CCDC25: variants seen among roughly 807,000 people sequenced by gnomAD.
CCDC25 encodes the protein coiled-coil domain containing 25, also known as coiled-coil domain-containing protein 25.
In CCDC25, 16 loss-of-function variants were observed where a neutral mutation model predicts 35.3. The observed-to-expected ratio is 0.45, with a 90% CI of 0.31 to 0.69. The LOEUF (loss-of-function observed/expected upper bound fraction) is 0.69. CCDC25 is among the 30% of genes least tolerant of loss of function. The pLI is 0.06. For synonymous variants in CCDC25, 79 were observed against 80.3 expected (o/e 0.98, Z 0.09); for missense variants, 179 against 250.7 (o/e 0.71, Z 1.93).
rs1254343023 is a variant in CCDC25, at chr8:27,737,753, T to A, written c.598-1508A>T. Among the ~76,000 whole-genome samples, 1 of 152,118 alleles carries A rather than the reference T, an allele frequency of 6.6e-6. No individual in the cohort carries two copies. The highest frequency in any genetic ancestry group is 2.4e-5 in the African/African-American group (1 of 41,430). On this transcript the variant is annotated intron_variant, in intron 8 of 8. Coordinates refer to ENST00000356537, the MANE Select transcript of CCDC25 (RefSeq NM_018246.3). This position sits in a 1 kb window ranked among gnomAD's most constrained non-coding sequence, Gnocchi z 4.6. ...TATCTACCCAGAGGAAAAGAAGTCA[T>A]TATTCAAAAAAGATACTTGCACACA...
rs529638557 is a variant in CCDC25, at chr8:27,751,396, T to C, written c.244+1116A>G. 3.0e-4 allele frequency among the ~76,000 whole-genome samples: 46 copies of C among 152,298 alleles called. No homozygotes were observed. The South Asian group carries it at 8.7e-3, about 29-fold the overall frequency. On this transcript the variant is annotated intron_variant, in intron 5 of 8. Transcript: ENST00000356537. Reference sequence around the variant, plus strand: ...TATTACAATTTGTTAACTTATAGAGTTGAAAATCAGTGGCTCTGTAAAGCA... The same window carrying C: ...TATTACAATTTGTTAACTTATAGAGCTGAAAATCAGTGGCTCTGTAAAGCA...
intron 1 of CCDC25, among the ~76,000 whole-genome samples, chr8:27,765,967 T>C (rs1347288392): frequency 6.6e-6 from 1 of 152,232 alleles, no homozygotes; most frequent in Non-Finnish European, 1.5e-5. Context: ...ACAACTATCC[T>C]AACTCAAATG....
intron 7 of CCDC25, among the ~76,000 whole-genome samples, 172 bp from the exon 8 acceptor site, chr8:27,740,689 T>C (rs1365103435): frequency 1.3e-5 from 2 of 152,250 alleles, no homozygotes; most frequent in Non-Finnish European, 2.9e-5. Context: ...AGGATGAATA[T>C]TTATAAACAA....
intron 7 of CCDC25, among the ~76,000 whole-genome samples, chr8:27,741,993 T>C (rs1039601263): frequency 2.0e-5 from 3 of 152,166 alleles, no homozygotes; most frequent in Admixed American, 2.0e-4. Flanking sequence ...TTTGAGGGCA[T>C]GAATCCCTGG....
chr8:27,762,365 G>A (rs966798373), intron 3 of CCDC25, 54 bp downstream of exon 3: 2 of 1,516,844 alleles, frequency 1.3e-6, no homozygotes, highest in African/African-American at 1.4e-5. Flanking sequence ...GCTTGGCCAA[G>A]TCTAAGAAAG....
rs1803159327 is a variant in CCDC25 at position 27,734,756 on chromosome 8, C to G, written c.*1460G>C. ...TCTACATGTGTTGCAGTGTGAGGTA[C>G]AGAGGAATTCTGTAGAAGCCGGACT... is the stretch of plus-strand genomic sequence containing the variant. On this transcript the variant is annotated 3_prime_UTR_variant, in exon 9 of 9. Coordinates refer to ENST00000356537, the MANE Select transcript of CCDC25 (RefSeq NM_018246.3). The G allele has an allele frequency of 6.6e-6, 1 of 152,170 alleles. No homozygotes were observed. The highest frequency in any genetic ancestry group is 1.5e-5 in the Non-Finnish European group (1 of 68,044). 9.4% of individuals were successfully genotyped at this position (152,170 alleles called of 1,614,324 possible). A position where few individuals can be genotyped will look rare whatever the true frequency, so the allele number is the denominator to read the frequency against.
At chr8:27,765,628 TA>T (rs35721089) in intron 1 of CCDC25, among the ~76,000 whole-genome samples, 7 of 149,598 alleles carry the variant, frequency 4.7e-5, no homozygotes, top group Non-Finnish European at 7.4e-5. Flanking sequence ...CTTTAAGAGT[TA>T]AAAAAAAAAG....
At chr8:27,761,360 C>T (rs1008451477) in intron 3 of CCDC25, among the ~76,000 whole-genome samples, 10 of 152,130 alleles carry the variant, frequency 6.6e-5, no homozygotes, top group Admixed American at 5.2e-4. Flanking sequence ...ACAGAGCAGA[C>T]CCAGTCAGTT....
At position 27,741,167 on chromosome 8, in the gene CCDC25, G is replaced by T. The variant is rs142272913; in HGVS notation, c.552-650C>A. Among the ~76,000 whole-genome samples, 452 of 152,322 alleles carry T rather than the reference G, an allele frequency of 3.0e-3. 2 individuals are homozygous for T. Among genetic ancestry groups the T allele is most frequent in the African/African-American group, 0.011 (439 of 41,566 alleles). On this transcript the variant is annotated intron_variant, in intron 7 of 8. Coordinates refer to ENST00000356537, the MANE Select transcript of CCDC25 (RefSeq NM_018246.3). Reference sequence around the variant, plus strand: ...TTGATTGCACGACTGAACACAATGTGTTCCGCAAGAAGCCATAATACACAA... The same window carrying T: ...TTGATTGCACGACTGAACACAATGTTTTCCGCAAGAAGCCATAATACACAA...
chr8:27,752,391 G>C (rs1373099763), intron 5 of CCDC25, 121 bp downstream of exon 5: 4 of 719,570 alleles, frequency 5.6e-6, no homozygotes, highest in Non-Finnish European at 7.0e-6. Flanking sequence ...CATGGCAAAG[G>C]CACAGCACAT....
At chr8:27,755,730 CTG>C (rs1803979590) in intron 4 of CCDC25, among the ~76,000 whole-genome samples, 1 of 152,216 alleles carries the variant, frequency 6.6e-6, no homozygotes, top group South Asian at 2.1e-4. Flanking sequence ...CACTTCACCT[CTG>C]TGATATTCTC....
At chr8:27,740,447 A>T in intron 8 of CCDC25, 25 bp downstream of exon 8, 1 of 1,602,370 alleles carries the variant, frequency 6.2e-7, no homozygotes, top group Non-Finnish European at 8.5e-7. Context: ...CAAGGCAAAC[A>T]TTCATGCAAA....
At chr8:27,747,821 A>C (rs1026046086) in intron 7 of CCDC25, 4 of 478,934 alleles carry the variant, frequency 8.4e-6, no homozygotes, top group Non-Finnish European at 1.5e-5. Flanking sequence ...ATAACCTATG[A>C]AGGTTTCTCT....
In CCDC25 at chr8:27,737,935, A is replaced by G. The variant is rs1414203438; in HGVS notation, c.598-1690T>C. Reference sequence around the variant, plus strand: ...ACACAAAGGAATACTATGCAGCTATAAAAAGGAATATATTAACAGCATTTG... The same window carrying G: ...ACACAAAGGAATACTATGCAGCTATGAAAAGGAATATATTAACAGCATTTG... On this transcript the variant is annotated intron_variant, in intron 8 of 8. Transcript: ENST00000356537. This position sits in a 1 kb window ranked among gnomAD's most constrained non-coding sequence, Gnocchi z 4.6. Among the ~76,000 whole-genome samples, 2 of 151,838 alleles carry G rather than the reference A, an allele frequency of 1.3e-5. No homozygotes were observed.
rs1338620672 is a variant in CCDC25 at position 27,752,496 on chromosome 8, CT to C, written c.244+15del. The stretch of plus-strand genomic sequence containing the variant: ...AAGTCCGTGCTAATTCTAAAAACAC[CT>C]CTAGGAAAACTGACCTTGAATGCTA... On this transcript the variant is annotated intron_variant, in intron 5 of 8. Transcript: ENST00000356537. 6.2e-7 allele frequency: 1 copy of C among 1,605,318 alleles called. No individual in the cohort carries two copies. The highest frequency in any genetic ancestry group is 1.3e-5 in the African/African-American group (1 of 74,658).
rs1255740829 is a variant in CCDC25 at position 27,748,081 on chromosome 8, G to C, written c.547C>G (p.Leu183Val). 6.2e-7 allele frequency: 1 copy of C among 1,611,600 alleles called. No homozygotes were observed. Among genetic ancestry groups the C allele is most frequent in the Admixed American group, 1.7e-5 (1 of 59,966 alleles). ...AATGCCACAGCTCCGACATACCTAAGTTCATCCATTTCCCTCTTCTTCTTC... is the reference window on the plus strand; with the variant it reads ...AATGCCACAGCTCCGACATACCTAACTTCATCCATTTCCCTCTTCTTCTTC... The part of the protein sequence containing the change: ...EMKKKREMDE[L>V]RSYSSLMKVE... The change falls in exon 7 of 9, where the codon CTT becomes GTT. Residue 183 changes from leucine (L) to valine (V), a missense_variant. Physicochemically the swap from Leu to Val is conservative, Grantham distance 32 (BLOSUM62 1). Transcript: ENST00000356537.
chr8:27,742,681 A>G (rs1309803745), intron 7 of CCDC25, among the ~76,000 whole-genome samples: 3 of 152,220 alleles, frequency 2.0e-5, no homozygotes, highest in Non-Finnish European at 4.4e-5. Context: ...CCTGGCCAAC[A>G]TGGTGAAACC....
chr8:27,754,427 TCAC>T (rs1163214146), intron 4 of CCDC25: 2 of 152,230 alleles, frequency 1.3e-5, no homozygotes, highest in Non-Finnish European at 2.9e-5. Context: ...ACATAGGACA[TCAC>T]GTCACTGAAA....
At chr8:27,761,036 G>C (rs955680204) in intron 3 of CCDC25, among the ~76,000 whole-genome samples, 1 of 152,098 alleles carries the variant, frequency 6.6e-6, no homozygotes, top group African/African-American at 2.4e-5. Context: ...GGCTGAGGCA[G>C]GAGAATCTCT....
Sources: allele counts gnomAD v4.1 joint callset (sites outside exome capture counted in the v4.1 genomes callset), GRCh38; gene constraint gnomAD v4.1.1; non-coding constraint Gnocchi (gnomAD v3.1); transcripts MANE v1.5; gene names NCBI Gene and HGNC (gene_info 2026-07-23, HGNC 2026-07-21).